FMNL2: variants seen among roughly 807,000 people sequenced by gnomAD.
FMNL2 encodes formin like 2.
Under a neutral mutation model 130.2 loss-of-function variants are expected in FMNL2, and 51 were observed. The ratio of observed to expected loss-of-function variants is 0.39; its 90% CI spans 0.31 to 0.49. The LOEUF is 0.49. Among genes scored for constraint, FMNL2 ranks in the 20% least tolerant of loss-of-function variants. FMNL2 has a pLI of 0.85. For synonymous variants in FMNL2, 465 were observed against 467.1 expected (o/e 1.00, Z 0.06); for missense variants, 977 against 1,316.2 (o/e 0.74, Z 3.99).
intron 22 of FMNL2, 80 bp from the exon 23 acceptor site, chr2:152,637,493 C>T: frequency 9.0e-7 from 1 of 1,105,646 alleles, no homozygotes; most frequent in Non-Finnish European, 1.4e-6. Context: ...GTGGCTGCTG[C>T]TTTGCATCAG....
chr2:152,418,414 T>C (rs567393631), intron 1 of FMNL2, among the ~76,000 whole-genome samples: 2 of 152,328 alleles, frequency 1.3e-5, no homozygotes. Flanking sequence ...GAACTTTTCA[T>C]GTTCCCAAAC....
Position 152,619,552 on chromosome 2 carries a change from G to GCCCCC in FMNL2, c.1672_1676dup (p.Pro561LeufsTer29), listed in dbSNP as rs1553488328. On this transcript the variant is annotated frameshift_variant, in exon 15 of 26. Transcript: ENST00000288670. LOFTEE classifies it high-confidence loss of function. ...CACCACCTATGCCACCGCCGCCGCC[G>GCCCCC]CCCCCTCCTCCACCTCCTCCTCCCC... The GCCCCC allele has an allele frequency of 7.1e-7, 1 of 1,403,674 alleles. No individual in the cohort carries two copies. Among genetic ancestry groups the GCCCCC allele is most frequent in the African/African-American group, 1.7e-5 (1 of 58,670 alleles). 87.0% of individuals were successfully genotyped at this position (1,403,674 alleles called of 1,614,324 possible). A position where few individuals can be genotyped will look rare whatever the true frequency, so the allele number is the denominator to read the frequency against.
intron 1 of FMNL2, among the ~76,000 whole-genome samples, chr2:152,442,854 A>G: frequency 6.6e-6 from 1 of 152,214 alleles, no homozygotes; most frequent in South Asian, 2.1e-4. Flanking sequence ...TAAAACACTA[A>G]TTACTGGGTT....
chr2:152,357,931 G>A (rs1249311328), intron 1 of FMNL2, among the ~76,000 whole-genome samples: 2 of 152,188 alleles, frequency 1.3e-5, no homozygotes, highest in African/African-American at 2.4e-5. Context: ...GTTTCTAGGT[G>A]AGTCTGTGAG....
At chr2:152,501,217 A>G (rs937824964) in intron 1 of FMNL2, among the ~76,000 whole-genome samples, 3 of 152,230 alleles carry the variant, frequency 2.0e-5, no homozygotes, top group African/African-American at 7.2e-5. Flanking sequence ...CTTAAAGCTA[A>G]ATGTATTTAA....
intron 9 of FMNL2, among the ~76,000 whole-genome samples, chr2:152,598,857 G>T (rs1275436932): frequency 3.9e-5 from 6 of 152,234 alleles, no homozygotes; most frequent in African/African-American, 1.4e-4. Context: ...TGCTCACGTG[G>T]TTATGGAGGT....
At chr2:152,602,193 C>A (rs1216478649) in intron 9 of FMNL2, among the ~76,000 whole-genome samples, 1 of 152,172 alleles carries the variant, frequency 6.6e-6, no homozygotes, top group Non-Finnish European at 1.5e-5. Flanking sequence ...CAGGACCCCA[C>A]AGGGATGGGC....
At chr2:152,568,480 C>T (rs574881207) in intron 6 of FMNL2, among the ~76,000 whole-genome samples, 7 of 152,188 alleles carry the variant, frequency 4.6e-5, no homozygotes, top group Admixed American at 1.3e-4. Context: ...CGTGAACCAC[C>T]GCATCTGGCC....
intron 3 of FMNL2, among the ~76,000 whole-genome samples, chr2:152,546,724 CA>C (rs1694660898): frequency 1.3e-5 from 2 of 152,054 alleles, no homozygotes; most frequent in Non-Finnish European, 2.9e-5. Flanking sequence ...CGGGAGTGGC[CA>C]CACTGAGCAG....
chr2:152,637,467 T>C, intron 22 of FMNL2, 106 bp from the exon 23 acceptor site: 5 of 841,404 alleles, frequency 5.9e-6, no homozygotes, highest in South Asian at 4.6e-5. Context: ...CGCAAGGCCA[T>C]GGGAGCCTCT....
chr2:152,382,688 A>G (rs1420479729), intron 1 of FMNL2, among the ~76,000 whole-genome samples: 1 of 152,184 alleles, frequency 6.6e-6, no homozygotes, highest in East Asian at 1.9e-4. Flanking sequence ...GGTGATAGAT[A>G]ATGCTAATTA....
At chr2:152,601,008 G>A (rs531847189) in intron 9 of FMNL2, among the ~76,000 whole-genome samples, 53 of 152,258 alleles carry the variant, frequency 3.5e-4, no homozygotes, top group Middle Eastern at 6.8e-3. Flanking sequence ...TGCTAGATGA[G>A]AATTTTAGAC....
intron 1 of FMNL2, among the ~76,000 whole-genome samples, chr2:152,391,294 A>G (rs774664097): frequency 6.6e-6 from 1 of 152,230 alleles, no homozygotes; most frequent in Non-Finnish European, 1.5e-5. Flanking sequence ...GCAACTGGTA[A>G]TGACCTTCTG....
chr2:152,642,999 ACT>A (rs759960230), intron 25 of FMNL2, among the ~76,000 whole-genome samples: 20 of 120,848 alleles, frequency 1.7e-4, no homozygotes, highest in East Asian at 2.6e-4. Flanking sequence ...ATAGAGGGAG[ACT>A]CTGTCTCAAA....
At chr2:152,480,213 G>A (rs1690419831) in intron 1 of FMNL2, among the ~76,000 whole-genome samples, 1 of 152,150 alleles carries the variant, frequency 6.6e-6, no homozygotes, top group South Asian at 2.1e-4. Flanking sequence ...GCAACTACCT[G>A]TTGGTCTATC....
chr2:152,523,485 A>G (rs947811199), intron 2 of FMNL2, among the ~76,000 whole-genome samples: 25 of 152,352 alleles, frequency 1.6e-4, no homozygotes, highest in African/African-American at 6.0e-4. Flanking sequence ...AAAAACTTAC[A>G]TGAAGTTGTA....
At chr2:152,556,611 C>T (rs1374049947) in intron 4 of FMNL2, among the ~76,000 whole-genome samples, 1 of 152,054 alleles carries the variant, frequency 6.6e-6, no homozygotes, top group African/African-American at 2.4e-5. Context: ...TATTTCCTAC[C>T]TTAAAAAAAT....
At chr2:152,500,869 A>C (rs6714213) in intron 1 of FMNL2, among the ~76,000 whole-genome samples, 62,675 of 152,058 alleles carry the variant, frequency 0.41, 15,611 homozygotes, top group Non-Finnish European at 0.57. Context: ...TCGGATGTCT[A>C]CAGGAGTCAG....
intron 1 of FMNL2, among the ~76,000 whole-genome samples, chr2:152,418,011 A>C (rs1361780003): frequency 6.6e-6 from 1 of 151,786 alleles, no homozygotes; most frequent in Non-Finnish European, 1.5e-5. Context: ...ATGCCTGGCT[A>C]ATTTTTTGTA....
Sources: allele counts gnomAD v4.1 joint callset (sites outside exome capture counted in the v4.1 genomes callset), GRCh38; gene constraint gnomAD v4.1.1; transcripts MANE v1.5; gene names NCBI Gene and HGNC (gene_info 2026-07-23, HGNC 2026-07-21).